STAP1: variants seen among roughly 807,000 people sequenced by gnomAD.
STAP1 encodes signal transducing adaptor family member 1.
STAP1 carries 30 observed loss-of-function variants against 37.8 expected under a neutral mutation model. That is an observed-to-expected ratio of 0.79 (90% CI 0.59 to 1.08). The LOEUF (loss-of-function observed/expected upper bound fraction) is 1.08. STAP1 is among the 50% of genes least tolerant of loss of function. The probability of loss-of-function intolerance (pLI) is 0.00; values close to 1 mark genes in which losing one functional copy is unlikely to be tolerated. For missense variants in STAP1, 357 were observed against 349.4 expected (o/e 1.02, Z -0.17); for synonymous variants, 130 against 116.0 (o/e 1.12, Z -0.78).
chr4:67,590,045 C>T (rs967229114), intron 6 of STAP1, among the ~76,000 whole-genome samples: 3 of 152,134 alleles, frequency 2.0e-5, no homozygotes, highest in East Asian at 1.9e-4. Flanking sequence ...CTCAAGTCAT[C>T]CTCATGCCTT....
intron 1 of STAP1, among the ~76,000 whole-genome samples, chr4:67,559,968 G>C (rs1374132464): frequency 6.6e-6 from 1 of 151,984 alleles, no homozygotes; most frequent in African/African-American, 2.4e-5. Context: ...TTACCTTTCA[G>C]TTATATTAGA....
intron 1 of STAP1, among the ~76,000 whole-genome samples, chr4:67,561,161 C>T (rs1020209935): frequency 2.6e-5 from 4 of 152,080 alleles, no homozygotes; most frequent in South Asian, 2.1e-4. Context: ...AATATGACTC[C>T]AAGGAGAGTG....
At chr4:67,559,897 A>C (rs1234844770) in intron 1 of STAP1, among the ~76,000 whole-genome samples, 1 of 152,146 alleles carries the variant, frequency 6.6e-6, no homozygotes, top group Non-Finnish European at 1.5e-5. Flanking sequence ...ATCATTTACT[A>C]TTTGAGAGTA....
rs1038239389 is a variant in STAP1, at chr4:67,574,455, T to G, written c.193-930T>G. On this transcript the variant is annotated intron_variant, in intron 2 of 8. Coordinates refer to ENST00000265404, the MANE Select transcript of STAP1 (RefSeq NM_012108.4). ...ATGATGTATGTCAAAACATCATGTATGTATTAAAATCAATAAATGTGAGCA... is the reference window on the plus strand; with the variant it reads ...ATGATGTATGTCAAAACATCATGTAGGTATTAAAATCAATAAATGTGAGCA... Among the ~76,000 whole-genome samples the G allele has an allele frequency of 2.6e-5, 4 of 152,326 alleles. No homozygotes were observed. The East Asian group carries it at 7.7e-4, about 29-fold the overall frequency.
chr4:67,597,023 C>T (rs1024568240), intron 8 of STAP1, among the ~76,000 whole-genome samples: 2 of 152,206 alleles, frequency 1.3e-5, no homozygotes, highest in Admixed American at 1.3e-4. Context: ...GGGAAAATGT[C>T]TCCAGGGCAT....
intron 1 of STAP1, among the ~76,000 whole-genome samples, chr4:67,568,136 T>C (rs529283607): frequency 0.038 from 5,732 of 152,182 alleles, 153 homozygotes; most frequent in Non-Finnish European, 0.044. Context: ...AGTTATAGAG[T>C]CGTCATTATT....
intron 1 of STAP1, among the ~76,000 whole-genome samples, chr4:67,559,338 G>A (rs1428859249): frequency 6.6e-6 from 1 of 152,010 alleles, no homozygotes; most frequent in African/African-American, 2.4e-5. Flanking sequence ...AATTAAACCT[G>A]CTCCTGTTCT....
chr4:67,558,840 C>A lies in STAP1; in HGVS notation c.31C>A (p.Pro11Thr), dbSNP rs751261091. Residue 11 changes from proline to threonine, a missense_variant, in exon 1 of 9, where the codon CCT becomes ACT. Transcript: ENST00000265404. ...GGCTAAGAAGCCCCCAAAACCAGCCCCTCGCAGGATCTTCCAGGAAAGGTT... is the reference window on the plus strand; with the variant it reads ...GGCTAAGAAGCCCCCAAAACCAGCCACTCGCAGGATCTTCCAGGAAAGGTT... MMAKKPPKPA[P>T]RRIFQERLKI... 1.9e-6 allele frequency: 3 copies of A among 1,613,370 alleles called. No homozygotes were observed. Among genetic ancestry groups the A allele is most frequent in the Non-Finnish European group, 1.7e-6 (2 of 1,179,554 alleles).
intron 3 of STAP1, 98 bp from the exon 4 acceptor site, chr4:67,577,105 T>C (rs1727738845): frequency 3.7e-6 from 4 of 1,077,184 alleles, no homozygotes; most frequent in Non-Finnish European, 5.3e-6. Context: ...AAAAAGAAAA[T>C]GAATTATTTT....
intron 8 of STAP1, among the ~76,000 whole-genome samples, chr4:67,600,911 G>A (rs990556677): frequency 1.3e-5 from 2 of 152,018 alleles, no homozygotes; most frequent in African/African-American, 2.4e-5. Flanking sequence ...AGTGAGTCTT[G>A]TTTTTTATCC....
intron 1 of STAP1, among the ~76,000 whole-genome samples, chr4:67,568,880 C>T (rs12505251): frequency 0.028 from 4,223 of 152,270 alleles, 68 homozygotes; most frequent in Non-Finnish European, 0.045. Context: ...ATCTGACATG[C>T]GTAGGCTTCC....
At chr4:67,587,103 C>A (rs942125678) in intron 6 of STAP1, among the ~76,000 whole-genome samples, 4 of 152,256 alleles carry the variant, frequency 2.6e-5, no homozygotes, top group South Asian at 2.1e-4. Flanking sequence ...TGTAACAGGT[C>A]ACTTAAAGGA....
intron 1 of STAP1, among the ~76,000 whole-genome samples, chr4:67,564,916 A>AAAAC (rs1159027837): frequency 1.3e-5 from 2 of 152,140 alleles, no homozygotes; most frequent in East Asian, 1.9e-4. Flanking sequence ...ACTCCATCTC[A>AAAAC]AAACAAACAA....
chr4:67,593,310 T>A lies in STAP1; in HGVS notation c.780T>A (p.Thr260=). The change falls in exon 8 of 9, where the codon ACT becomes ACA. Residue 260 remains threonine, a synonymous_variant. Transcript: ENST00000265404. The part of the protein sequence containing the change: ...FSVIDYFVKE[T]RGNLRPFICS... ...TCATTGATTATTTTGTGAAGGAGAC[T>A]CGAGGAAATTTAAGACCATTTATAT... 6.2e-7 allele frequency: 1 copy of A among 1,613,594 alleles called. No homozygotes were observed. Among genetic ancestry groups the A allele is most frequent in the East Asian group, 2.2e-5 (1 of 44,816 alleles).
At chr4:67,571,900 T>C (rs1727613973) in intron 2 of STAP1, among the ~76,000 whole-genome samples, 1 of 152,240 alleles carries the variant, frequency 6.6e-6, no homozygotes, top group Non-Finnish European at 1.5e-5. Flanking sequence ...TAATGTAGAA[T>C]GTTTTCAAAT....
At chr4:67,570,470 A>G (rs1727578250) in intron 1 of STAP1, among the ~76,000 whole-genome samples, 1 of 152,164 alleles carries the variant, frequency 6.6e-6, no homozygotes, top group Non-Finnish European at 1.5e-5. Context: ...ACATGATTGT[A>G]TATCCTTATC....
intron 1 of STAP1, among the ~76,000 whole-genome samples, chr4:67,564,711 G>A (rs1428067800): frequency 2.6e-5 from 4 of 152,132 alleles, no homozygotes; most frequent in African/African-American, 2.4e-5. Flanking sequence ...TCAGGAGTTC[G>A]AGACCAGCCT....
At chr4:67,601,772 T>C (rs547338242) in intron 8 of STAP1, among the ~76,000 whole-genome samples, 2 of 152,340 alleles carry the variant, frequency 1.3e-5, no homozygotes, top group East Asian at 1.9e-4. Flanking sequence ...GCTTTTAGGA[T>C]AATTTCTTTA....
At chr4:67,575,582 T>C (rs576999803) in intron 3 of STAP1, 84 bp downstream of exon 3, 22 of 996,882 alleles carry the variant, frequency 2.2e-5, no homozygotes, top group South Asian at 4.6e-5. Context: ...TAAAGAGAAA[T>C]TGTAAGACAG....
Sources: allele counts gnomAD v4.1 joint callset (sites outside exome capture counted in the v4.1 genomes callset), GRCh38; gene constraint gnomAD v4.1.1; transcripts MANE v1.5; gene names NCBI Gene and HGNC (gene_info 2026-07-23, HGNC 2026-07-21).